The following PIP5K1C variants were observed in gnomAD, a reference collection of about 807,000 sequenced individuals.
PIP5K1C encodes phosphatidylinositol-4-phosphate 5-kinase type 1 gamma.
A neutral mutation model predicts 80.1 loss-of-function variants in PIP5K1C; 45 were observed. That is an observed-to-expected ratio of 0.56 (90% CI 0.44 to 0.72). PIP5K1C has a LOEUF of 0.72. Among genes scored for constraint, PIP5K1C ranks in the 30% least tolerant of loss-of-function variants. PIP5K1C has a pLI of 0.00. For missense variants in PIP5K1C, 753 were observed against 954.6 expected (o/e 0.79, Z 2.78); for synonymous variants, 498 against 420.1 (o/e 1.19, Z -2.27).
intron 3 of PIP5K1C, among the ~76,000 whole-genome samples, 176 bp from the exon 4 acceptor site, chr19:3,662,177 C>T (rs1220216308): frequency 1.3e-5 from 2 of 152,216 alleles, no homozygotes; most frequent in Non-Finnish European, 2.9e-5. Context: ...CTGTCGACAT[C>T]AGGCCGGGGG....
rs773003605 is a variant in PIP5K1C at position 3,643,274 on chromosome 19, G to A, written c.1618C>T (p.Pro540Ser). ...STSLSIPERSPSETSEQPRYR... is the reference protein window; with the variant it reads ...STSLSIPERSSSETSEQPRYR... Reference sequence around the variant, plus strand: ...CGCGGCTGCTCCGACGTCTCCGAGGGGGACCGCTCAGGAATGGAGAGGGAT... The same window carrying A: ...CGCGGCTGCTCCGACGTCTCCGAGGAGGACCGCTCAGGAATGGAGAGGGAT... Residue 540 changes from proline (P) to serine (S), a missense_variant, in exon 13 of 18, where the codon CCC becomes TCC. Transcript: ENST00000335312. 2 of 1,613,952 alleles carry A rather than the reference G, an allele frequency of 1.2e-6. No homozygotes were observed. Among genetic ancestry groups the A allele is most frequent in the Non-Finnish European group, 1.7e-6 (2 of 1,179,984 alleles).
At chr19:3,645,898 CAG>C in intron 11 of PIP5K1C, 74 bp downstream of exon 11, 2 of 1,155,008 alleles carry the variant, frequency 1.7e-6, no homozygotes, top group Non-Finnish European at 2.6e-6. Flanking sequence ...CGGCCTCCCG[CAG>C]AGTCCCTCCT....
chr19:3,689,121 A>G (rs866596686), intron 1 of PIP5K1C, among the ~76,000 whole-genome samples: 25 of 152,236 alleles, frequency 1.6e-4, no homozygotes, highest in African/African-American at 6.0e-4. Context: ...TGGGCTCAGT[A>G]ATCCAGTTAT....
intron 10 of PIP5K1C, among the ~76,000 whole-genome samples, chr19:3,646,835 C>T (rs1214623584): frequency 6.6e-6 from 1 of 152,074 alleles, no homozygotes. Flanking sequence ...CAGTGCCTGG[C>T]CCCAGGCGGT....
At chr19:3,663,752 C>T (rs1023917242) in intron 3 of PIP5K1C, among the ~76,000 whole-genome samples, 10 of 152,202 alleles carry the variant, frequency 6.6e-5, no homozygotes, top group African/African-American at 2.2e-4. Context: ...GACACGGGGA[C>T]GCTGGGCCTC....
At chr19:3,682,372 T>TAA (rs369608211) in intron 1 of PIP5K1C, among the ~76,000 whole-genome samples, 2,774 of 111,152 alleles carry the variant, frequency 0.025, 117 homozygotes, top group African/African-American at 0.089. Flanking sequence ...AGACTCCATC[T>TAA]AAAAAAAAAA....
At position 3,630,274 on chromosome 19, in the gene PIP5K1C, TG is replaced by T. The variant is rs2033434624; in HGVS notation, c.*2892del. The T allele has an allele frequency of 6.6e-6, 1 of 152,116 alleles. No individual in the cohort carries two copies. The highest frequency in any genetic ancestry group is 1.5e-5 in the Non-Finnish European group (1 of 67,954). The allele number at this position is 152,116 out of a possible 1,614,324, so 9.4% of individuals were successfully genotyped here. A position where few individuals can be genotyped will look rare whatever the true frequency, so the allele number is the denominator to read the frequency against. On this transcript the variant is annotated 3_prime_UTR_variant, in exon 18 of 18. Coordinates refer to ENST00000335312, the MANE Select transcript of PIP5K1C (RefSeq NM_012398.3). ...GGAACCTGGGATGCAAACCAGTGTT[TG>T]GGGCCAGGAGTGGCTGTATGGTTTC...
At chr19:3,666,461 GCA>G (rs1424746632) in intron 2 of PIP5K1C, among the ~76,000 whole-genome samples, 2 of 152,252 alleles carry the variant, frequency 1.3e-5, no homozygotes, top group Non-Finnish European at 2.9e-5. Context: ...ATGCAGATGT[GCA>G]CACACACAGA....
intron 1 of PIP5K1C, among the ~76,000 whole-genome samples, chr19:3,695,012 A>G (rs2036058419): frequency 6.6e-6 from 1 of 152,274 alleles, no homozygotes; most frequent in Admixed American, 6.5e-5. Flanking sequence ...AAGGCCGGCA[A>G]CGGAACAAAT....
chr19:3,698,788 C>T (rs1455826436), intron 1 of PIP5K1C, among the ~76,000 whole-genome samples: 1 of 152,198 alleles, frequency 6.6e-6, no homozygotes, highest in Non-Finnish European at 1.5e-5. Flanking sequence ...CCAGCGCTAA[C>T]ATCAGGAGGG....
chr19:3,678,061 ATGG>A (rs2035438895), intron 1 of PIP5K1C, among the ~76,000 whole-genome samples: 1 of 87,902 alleles, frequency 1.1e-5, no homozygotes, highest in Non-Finnish European at 2.3e-5. Context: ...GAATGGAGGG[ATGG>A]AGAGATGGAA....
At chr19:3,640,106 C>G (rs879521806) in intron 15 of PIP5K1C, among the ~76,000 whole-genome samples, 10 of 152,176 alleles carry the variant, frequency 6.6e-5, no homozygotes, top group Non-Finnish European at 1.3e-4. Flanking sequence ...GCTAAAAAAG[C>G]TCTCTTGGAA....
intron 12 of PIP5K1C, among the ~76,000 whole-genome samples, 158 bp downstream of exon 12, chr19:3,643,929 C>T (rs560063432): frequency 2.0e-5 from 3 of 152,246 alleles, no homozygotes; most frequent in African/African-American, 4.8e-5. Context: ...TTCCCTGGGG[C>T]GGTCCCAGCA....
chr19:3,673,185 C>T (rs760047111), intron 1 of PIP5K1C, among the ~76,000 whole-genome samples: 25 of 152,298 alleles, frequency 1.6e-4, no homozygotes, highest in Non-Finnish European at 2.8e-4. Flanking sequence ...CCCTCCAGCA[C>T]GCCAGCGCCA....
intron 1 of PIP5K1C, among the ~76,000 whole-genome samples, chr19:3,684,877 G>A (rs1292685217): frequency 6.6e-6 from 1 of 152,194 alleles, no homozygotes; most frequent in African/African-American, 2.4e-5. Context: ...TTCCACCACT[G>A]TAGACACGTC....
intron 2 of PIP5K1C, among the ~76,000 whole-genome samples, chr19:3,665,967 C>T (rs2034993231): frequency 6.6e-6 from 1 of 152,140 alleles, no homozygotes; most frequent in African/African-American, 2.4e-5. Context: ...CCTGCCCCTG[C>T]CCTCCCTCCA....
intron 7 of PIP5K1C, 128 bp downstream of exon 7, chr19:3,653,162 C>T: frequency 2.6e-6 from 2 of 772,628 alleles, no homozygotes; most frequent in South Asian, 1.7e-5. Flanking sequence ...TGGGGTGGGG[C>T]CTGCTGTAGG....
intron 5 of PIP5K1C, among the ~76,000 whole-genome samples, chr19:3,658,398 C>A (rs2034711278): frequency 6.6e-6 from 1 of 152,220 alleles, no homozygotes; most frequent in Admixed American, 6.5e-5. Flanking sequence ...GTCGCCCAGC[C>A]CAGCCATCTG....
intron 1 of PIP5K1C, among the ~76,000 whole-genome samples, chr19:3,673,198 C>T (rs1213843922): frequency 1.3e-5 from 2 of 152,152 alleles, no homozygotes; most frequent in African/African-American, 4.8e-5. Flanking sequence ...CAGCGCCACC[C>T]TGTGTCATGG....
Sources: gnomAD v4.1 joint callset for allele counts (sites outside exome capture counted in the v4.1 genomes callset) on GRCh38, gnomAD v4.1.1 for gene constraint, MANE v1.5 for transcripts, NCBI Gene and HGNC (gene_info 2026-07-23, HGNC 2026-07-21) for gene names.